The following TNKS variants were observed in gnomAD, a reference collection of about 807,000 sequenced individuals.
TNKS encodes poly [ADP-ribose] polymerase tankyrase-1.
TNKS carries 72 observed loss-of-function variants against 135.8 expected under a neutral mutation model. The observed-to-expected ratio is 0.53, with a 90% CI of 0.44 to 0.64. The LOEUF (loss-of-function observed/expected upper bound fraction) is 0.64. Among genes scored for constraint, TNKS ranks in the 30% least tolerant of loss-of-function variants. The pLI is 0.00. For synonymous variants in TNKS, 849 were observed against 649.3 expected (o/e 1.31, Z -4.68); for missense variants, 1,769 against 1,674.0 (o/e 1.06, Z -0.99).
rs779559721 is a variant in TNKS, at chr8:9,704,680, A to G, written c.1125A>G (p.Leu375=). The change falls in exon 6 of 27, where the codon CTA becomes CTG. Residue 375 remains leucine, a synonymous_variant. Coordinates refer to ENST00000310430, the MANE Select transcript of TNKS (RefSeq NM_003747.3). ...SDGRKSTPLH[L]AAGYNRVRIV... is the part of the protein sequence containing the mutation. ...TTTTCTAGTCGACTCCTTTACATCT[A>G]GCAGCGGGCTACAACAGAGTTCGAA... 18 of 1,613,210 alleles carry G rather than the reference A, an allele frequency of 1.1e-5. No homozygotes were observed. The highest frequency in any genetic ancestry group is 1.4e-5 in the Non-Finnish European group (16 of 1,179,430).
At chr8:9,736,170 G>C (rs1315886199) in intron 17 of TNKS, among the ~76,000 whole-genome samples, 1 of 151,080 alleles carries the variant, frequency 6.6e-6, no homozygotes, top group Non-Finnish European at 1.5e-5. Context: ...AAGCTGTGCA[G>C]CTGTTATACA....
chr8:9,770,386 C>T (rs1285980101), intron 26 of TNKS, 124 bp downstream of exon 26: 1 of 1,019,986 alleles, frequency 9.8e-7, no homozygotes, highest in Non-Finnish European at 1.4e-6. Context: ...GTATTAATTA[C>T]TTCAGATACA....
At chr8:9,740,728 C>G (rs967432953) in intron 17 of TNKS, among the ~76,000 whole-genome samples, 2 of 151,342 alleles carry the variant, frequency 1.3e-5, no homozygotes, top group Non-Finnish European at 2.9e-5. Flanking sequence ...ACATAAGGTT[C>G]TCAATTTCTC....
chr8:9,624,741 C>T lies in TNKS; in HGVS notation c.994+9064C>T, dbSNP rs11786171. Among the ~76,000 whole-genome samples, 670 of 152,100 alleles carry T rather than the reference C, an allele frequency of 4.4e-3. 4 individuals are homozygous for T. Among genetic ancestry groups the T allele is most frequent in the South Asian group, 0.015 (71 of 4,820 alleles). ...GACTGTAATGTGTTAGTAATACATT[C>T]GGCCCTAGGTGTCCTCAGGGGTACT... is the stretch of plus-strand genomic sequence containing the variant. On this transcript the variant is annotated intron_variant, in intron 3 of 26. Transcript: ENST00000310430.
intron 5 of TNKS, among the ~76,000 whole-genome samples, chr8:9,697,830 G>A (rs1034239369): frequency 2.0e-5 from 3 of 152,108 alleles, no homozygotes; most frequent in Non-Finnish European, 4.4e-5. Flanking sequence ...CTTATACACT[G>A]TGGAATGCAG....
At chr8:9,679,203 C>G (rs13270518) in intron 3 of TNKS, among the ~76,000 whole-genome samples, 95,554 of 152,032 alleles carry the variant, frequency 0.63, 30,514 homozygotes, top group Middle Eastern at 0.72. Context: ...AAGACCCCAA[C>G]CTCCTTTTAA....
chr8:9,581,307 A>G lies in TNKS; in HGVS notation c.898+924A>G, dbSNP rs559380443. Among the ~76,000 whole-genome samples the G allele has an allele frequency of 4.9e-4, 75 of 152,280 alleles. 1 individual carries two copies. The highest frequency in any genetic ancestry group is 1.7e-3 in the African/African-American group (70 of 41,542). On this transcript the variant is annotated intron_variant, in intron 2 of 26. Transcript: ENST00000310430. Reference sequence around the variant, plus strand: ...TTATTGCAATGCCTGATATAAAACTATTTTTTAAAAAAATCACATTTTCTG... The same window carrying G: ...TTATTGCAATGCCTGATATAAAACTGTTTTTTAAAAAAATCACATTTTCTG...
chr8:9,662,943 C>T (rs909282907), intron 3 of TNKS, among the ~76,000 whole-genome samples: 12 of 152,108 alleles, frequency 7.9e-5, no homozygotes, highest in East Asian at 1.9e-4. Flanking sequence ...AAAAAGACTG[C>T]GGATGTGATT....
chr8:9,647,382 A>G (rs1234497354), intron 3 of TNKS, among the ~76,000 whole-genome samples: 1 of 152,202 alleles, frequency 6.6e-6, no homozygotes, highest in Non-Finnish European at 1.5e-5. Flanking sequence ...AAGCTCTTAC[A>G]TGACCCAGCA....
In TNKS at chr8:9,556,229, G is replaced by A. The variant is rs149797804; in HGVS notation, c.290G>A (p.Cys97Tyr). The A allele has an allele frequency of 1.6e-4, 264 of 1,614,168 alleles. 2 individuals are homozygous for A. The African/African-American group carries it at 3.2e-3, about 19-fold the overall frequency. Reference protein sequence around the residue: ...TSCCSTTSTICTVAAAPVVPA... With the variant: ...TSCCSTTSTIYTVAAAPVVPA... ...TGTTGCAGTACCACCAGCACAATCTGTACCGTCGCCGCCGCTCCCGTGGTC... is the reference window on the plus strand; with the variant it reads ...TGTTGCAGTACCACCAGCACAATCTATACCGTCGCCGCCGCTCCCGTGGTC... The change falls in exon 1 of 27, where the codon TGT becomes TAT. Residue 97 changes from cysteine (C) to tyrosine (Y), a missense_variant. This residue lies in a region of TNKS where 450 missense variants were observed against 304.9 expected (regional missense o/e 1.48). Transcript: ENST00000310430.
Position 9,556,153 on chromosome 8 carries a change from C to T in TNKS, c.214C>T (p.Arg72Trp), listed in dbSNP as rs933454377. ...GLALPEGDGSRDPPDRPRSPD... is the reference protein window; with the variant it reads ...GLALPEGDGSWDPPDRPRSPD... The stretch of plus-strand genomic sequence containing the variant: ...AGCGCTGCCGGAGGGGGATGGCAGT[C>T]GGGATCCGCCCGACAGGCCCCGATC... Residue 72 changes from arginine to tryptophan, a missense_variant, in exon 1 of 27, where the codon CGG becomes TGG. This residue lies in a region of TNKS where 450 missense variants were observed against 304.9 expected (regional missense o/e 1.48). Transcript: ENST00000310430. 3.1e-6 allele frequency: 5 copies of T among 1,608,618 alleles called. No individual in the cohort carries two copies. The highest frequency in any genetic ancestry group is 3.4e-6 in the Non-Finnish European group (4 of 1,177,088).
At chr8:9,589,886 C>A (rs927472899) in intron 2 of TNKS, among the ~76,000 whole-genome samples, 1 of 152,238 alleles carries the variant, frequency 6.6e-6, no homozygotes, top group Non-Finnish European at 1.5e-5. Flanking sequence ...CTATAGCTGT[C>A]CACAAACTCT....
intron 17 of TNKS, among the ~76,000 whole-genome samples, chr8:9,741,352 C>T (rs911659291): frequency 6.6e-6 from 1 of 152,142 alleles, no homozygotes; most frequent in Non-Finnish European, 1.5e-5. Flanking sequence ...TAATAATGAA[C>T]TGATCTAGTA....
intron 3 of TNKS, among the ~76,000 whole-genome samples, chr8:9,648,763 G>A (rs561008805): frequency 6.6e-6 from 1 of 152,158 alleles, no homozygotes; most frequent in East Asian, 1.9e-4. Flanking sequence ...TGACCAAAAC[G>A]TCATTATGTG....
Position 9,734,858 on chromosome 8 carries a change from T to A in TNKS, c.2314-7T>A, listed in dbSNP as rs1805615590. ...TACAAACCCCATTTGGTTTTTCTTC[T>A]TTGTAGCATGGAGCAGATCCAACTA... On this transcript the variant is annotated splice_region_variant and splice_polypyrimidine_tract_variant and intron_variant, in intron 15 of 26. Transcript: ENST00000310430. 1 of 1,607,986 alleles carries A rather than the reference T, an allele frequency of 6.2e-7. No homozygotes were observed. Among genetic ancestry groups the A allele is most frequent in the Non-Finnish European group, 8.5e-7 (1 of 1,177,198 alleles).
chr8:9,767,507 G>A lies in TNKS; in HGVS notation c.3740+1082G>A, dbSNP rs1439896042. Among the ~76,000 whole-genome samples, 6 of 152,170 alleles carry A rather than the reference G, an allele frequency of 3.9e-5. 1 individual carries two copies. Among genetic ancestry groups the A allele is most frequent in the African/African-American group, 1.4e-4 (6 of 41,446 alleles). ...AATTTCAGAACAAGGATCTCTGAGG[G>A]AGAAAAGCCCCAGTAACCTTGAAAT... On this transcript the variant is annotated intron_variant, in intron 25 of 26. Transcript: ENST00000310430.
At chr8:9,593,686 A>G (rs1180332696) in intron 2 of TNKS, among the ~76,000 whole-genome samples, 5 of 152,076 alleles carry the variant, frequency 3.3e-5, no homozygotes, top group Admixed American at 6.6e-5. Flanking sequence ...TTAGAAAGAT[A>G]TGTTTCATTT....
At chr8:9,708,336 A>G (rs745940550) in intron 8 of TNKS, 35 bp from the exon 9 acceptor site, 8 of 1,488,164 alleles carry the variant, frequency 5.4e-6, no homozygotes, top group South Asian at 2.9e-5. Flanking sequence ...ACATTTTTAC[A>G]TCTTTTTTTA....
chr8:9,621,475 T>C (rs1407590797), intron 3 of TNKS, among the ~76,000 whole-genome samples: 2 of 152,092 alleles, frequency 1.3e-5, no homozygotes, highest in African/African-American at 4.8e-5. Flanking sequence ...CTCAGCTAAT[T>C]TTGTATTTTT....
Sources: allele counts gnomAD v4.1 joint callset (sites outside exome capture counted in the v4.1 genomes callset), GRCh38; gene constraint gnomAD v4.1.1; regional missense constraint gnomAD v4.1.1; transcripts MANE v1.5; gene names NCBI Gene and HGNC (gene_info 2026-07-23, HGNC 2026-07-21).